KIF16B: variants seen among roughly 807,000 people sequenced by gnomAD.
The protein encoded by KIF16B is kinesin family member 16B, also known as kinesin-like protein KIF16B.
A neutral mutation model predicts 156.3 loss-of-function variants in KIF16B; 98 were observed. That is an observed-to-expected ratio of 0.63 (90% CI 0.53 to 0.74). The LOEUF (loss-of-function observed/expected upper bound fraction) is 0.74. Ranked by LOEUF, KIF16B falls within the 30% of genes least tolerant of loss-of-function variation. KIF16B has a pLI of 0.00. For synonymous variants in KIF16B, 564 were observed against 583.7 expected (o/e 0.97, Z 0.49); for missense variants, 1,421 against 1,606.5 (o/e 0.88, Z 1.97).
chr20:16,429,370 G>A (rs981280344), intron 13 of KIF16B, among the ~76,000 whole-genome samples: 1 of 152,126 alleles, frequency 6.6e-6, no homozygotes, highest in African/African-American at 2.4e-5. Context: ...CATTCTCATT[G>A]TTAAGTTATG....
intron 12 of KIF16B, among the ~76,000 whole-genome samples, chr20:16,449,591 G>A (rs1314410137): frequency 6.6e-6 from 1 of 152,220 alleles, no homozygotes; most frequent in Non-Finnish European, 1.5e-5. Context: ...AGAGGTGGGA[G>A]ATGGTCTAAA....
intron 10 of KIF16B, among the ~76,000 whole-genome samples, chr20:16,502,910 TA>T (rs1434337954): frequency 2.0e-5 from 3 of 152,142 alleles, no homozygotes; most frequent in Non-Finnish European, 4.4e-5. Flanking sequence ...AACAATGTTT[TA>T]AAAACACTGA....
At chr20:16,552,284 T>C (rs2070697537) in intron 1 of KIF16B, among the ~76,000 whole-genome samples, 1 of 152,212 alleles carries the variant, frequency 6.6e-6, no homozygotes, top group Non-Finnish European at 1.5e-5. Context: ...AGAAGGGAAT[T>C]GAGAACAGCT....
chr20:16,351,291 A>G (rs547154443), intron 23 of KIF16B, among the ~76,000 whole-genome samples: 2 of 152,306 alleles, frequency 1.3e-5, no homozygotes, highest in South Asian at 4.1e-4. Flanking sequence ...TATTTCTATG[A>G]CATGAGTGTG....
intron 22 of KIF16B, among the ~76,000 whole-genome samples, chr20:16,360,722 A>G (rs2064534988): frequency 2.6e-5 from 4 of 152,232 alleles, no homozygotes; most frequent in Non-Finnish European, 5.9e-5. Context: ...GTCAACAAAT[A>G]CGCTATTTTT....
intron 12 of KIF16B, among the ~76,000 whole-genome samples, chr20:16,447,323 T>C (rs2066961611): frequency 6.6e-6 from 1 of 152,122 alleles, no homozygotes; most frequent in African/African-American, 2.4e-5. Context: ...GTTCCTTTTT[T>C]TTAATCACTT....
At chr20:16,412,047 G>C (rs1452123951) in intron 15 of KIF16B, among the ~76,000 whole-genome samples, 1 of 151,050 alleles carries the variant, frequency 6.6e-6, no homozygotes, top group African/African-American at 2.4e-5. Context: ...AAGACAAGAG[G>C]ACCTAACATT....
intron 14 of KIF16B, among the ~76,000 whole-genome samples, chr20:16,428,393 C>T (rs1163104834): frequency 2.6e-5 from 4 of 152,098 alleles, no homozygotes; most frequent in Non-Finnish European, 5.9e-5. Flanking sequence ...CCACCAGTTG[C>T]CTAAGTTATG....
In KIF16B at chr20:16,530,289, G is replaced by A. The variant is rs755280258; in HGVS notation, c.48-1849C>T. Among the ~76,000 whole-genome samples the A allele has an allele frequency of 2.6e-5, 4 of 152,140 alleles. No individual in the cohort carries two copies. In the South Asian group the frequency reaches 6.2e-4, roughly 24 times the overall value. On this transcript the variant is annotated intron_variant, in intron 1 of 25. Transcript: ENST00000354981. The stretch of plus-strand genomic sequence containing the variant: ...GTGTGCGATCCTTGCCCTTGACTAT[G>A]GGCTGGACCTGGTGAGTCACTTCTA...
intron 12 of KIF16B, among the ~76,000 whole-genome samples, chr20:16,468,101 T>G (rs2067546626): frequency 6.6e-6 from 1 of 151,962 alleles, no homozygotes; most frequent in South Asian, 2.1e-4. Context: ...GATCAAAAAA[T>G]AAGACCCAAC....
Position 16,379,049 on chromosome 20 carries a change from T to C in KIF16B, c.2953A>G (p.Lys985Glu). The change falls in exon 19 of 26, where the codon AAA becomes GAA. Residue 985 changes from lysine (K) to glutamate (E), a missense_variant. Coordinates refer to ENST00000354981, the MANE Select transcript of KIF16B (RefSeq NM_024704.5). ...FTANIARQEE[K>E]VRKKEKEILE... is the part of the protein sequence containing the mutation. ...ATCTCCTTTTCCTTTTTCCTCACTTTTTCCTCCTGACGTGCAATGTTGGCA... is the reference window on the plus strand; with the variant it reads ...ATCTCCTTTTCCTTTTTCCTCACTTCTTCCTCCTGACGTGCAATGTTGGCA... The C allele has an allele frequency of 6.2e-7, 1 of 1,611,050 alleles. No homozygotes were observed. The highest frequency in any genetic ancestry group is 8.5e-7 in the Non-Finnish European group (1 of 1,178,522).
At chr20:16,281,106 T>G (rs994598620) in intron 25 of KIF16B, among the ~76,000 whole-genome samples, 2 of 152,192 alleles carry the variant, frequency 1.3e-5, no homozygotes, top group African/African-American at 4.8e-5. Context: ...TTTCCGGCCA[T>G]CTCATTGTTG....
chr20:16,391,702 G>A (rs1391506632), intron 17 of KIF16B, among the ~76,000 whole-genome samples: 1 of 152,178 alleles, frequency 6.6e-6, no homozygotes, highest in Non-Finnish European at 1.5e-5. Flanking sequence ...GGTGCCAGCA[G>A]GAGAAGAAAC....
At chr20:16,554,136 T>A (rs2070762818) in intron 1 of KIF16B, among the ~76,000 whole-genome samples, 1 of 152,128 alleles carries the variant, frequency 6.6e-6, no homozygotes, top group African/African-American at 2.4e-5. Flanking sequence ...AGCCCCAGCT[T>A]CAAACTGAGG....
At chr20:16,498,382 A>G (rs1329384119) in intron 10 of KIF16B, among the ~76,000 whole-genome samples, 1 of 152,094 alleles carries the variant, frequency 6.6e-6, no homozygotes, top group Non-Finnish European at 1.5e-5. Context: ...TATCCCTTGG[A>G]AGAAAAAAGA....
At chr20:16,527,087 C>T (rs1043612370) in intron 2 of KIF16B, among the ~76,000 whole-genome samples, 1 of 152,102 alleles carries the variant, frequency 6.6e-6, no homozygotes, top group Non-Finnish European at 1.5e-5. Flanking sequence ...TAGAAAGACA[C>T]ATGAAGGAAA....
At chr20:16,469,702 G>C (rs184366386) in intron 12 of KIF16B, among the ~76,000 whole-genome samples, 2 of 152,220 alleles carry the variant, frequency 1.3e-5, no homozygotes, top group East Asian at 1.9e-4. Flanking sequence ...GGAGCAACAG[G>C]AACTCTTGCT....
intron 23 of KIF16B, among the ~76,000 whole-genome samples, chr20:16,342,761 C>T (rs6075050): frequency 0.036 from 5,514 of 152,276 alleles, 112 homozygotes; most frequent in African/African-American, 0.047. Context: ...TGAATATCCC[C>T]TTGTTTATCA....
chr20:16,386,521 C>T (rs576285677), intron 17 of KIF16B, among the ~76,000 whole-genome samples: 7 of 151,584 alleles, frequency 4.6e-5, no homozygotes, highest in South Asian at 2.1e-4. Context: ...TACAGTAGAG[C>T]GCTTTCTTGG....
Sources: gnomAD v4.1 joint callset for allele counts (sites outside exome capture counted in the v4.1 genomes callset) on GRCh38, gnomAD v4.1.1 for gene constraint, MANE v1.5 for transcripts, NCBI Gene and HGNC (gene_info 2026-07-23, HGNC 2026-07-21) for gene names.